Variants in LINGO2 observed in about 807,000 individuals in gnomAD.
LINGO2 encodes the protein leucine rich repeat and Ig domain containing 2.
A neutral mutation model predicts 30.6 loss-of-function variants in LINGO2; 14 were observed. The observed-to-expected ratio is 0.46, with a 90% CI of 0.30 to 0.72. The LOEUF is 0.72. Among genes scored for constraint, LINGO2 ranks in the 30% least tolerant of loss-of-function variants. The pLI is 0.07. For missense variants in LINGO2, 729 were observed against 751.7 expected (o/e 0.97, Z 0.35); for synonymous variants, 317 against 288.5 (o/e 1.10, Z -1.00).
At chr9:28,103,466 C>A (rs1254494128) in intron 4 of LINGO2, among the ~76,000 whole-genome samples, 1 of 152,078 alleles carries the variant, frequency 6.6e-6, no homozygotes, top group African/African-American at 2.4e-5. Flanking sequence ...TGTCTTGAAA[C>A]TCTGAACCAC....
At chr9:28,949,110 G>A in the LINGO2 span, among the ~76,000 whole-genome samples, 1 of 152,060 alleles carries the variant, frequency 6.6e-6, no homozygotes, top group African/African-American at 2.4e-5. Flanking sequence ...CTAAAGCAGT[G>A]TTTAGAGGGA....
At chr9:28,049,557 A>G (rs1587768351) in intron 4 of LINGO2, among the ~76,000 whole-genome samples, 3 of 150,674 alleles carry the variant, frequency 2.0e-5, no homozygotes, top group African/African-American at 7.4e-5. Flanking sequence ...TGGAAGGGCA[A>G]GGGCTTCAGG....
chr9:28,282,875 T>A (rs1038829206), intron 4 of LINGO2, among the ~76,000 whole-genome samples: 25 of 152,314 alleles, frequency 1.6e-4, no homozygotes, highest in African/African-American at 5.3e-4. Context: ...GCAATATATA[T>A]CATTTCCAAT....
At chr9:28,217,267 A>G (rs1399235366) in intron 4 of LINGO2, among the ~76,000 whole-genome samples, 1 of 151,812 alleles carries the variant, frequency 6.6e-6, no homozygotes, top group Non-Finnish European at 1.5e-5. Flanking sequence ...AAGAAATTCT[A>G]GTAAAATTAA....
At chr9:28,069,185 T>G (rs1825400579) in intron 4 of LINGO2, among the ~76,000 whole-genome samples, 1 of 151,938 alleles carries the variant, frequency 6.6e-6, no homozygotes, top group African/African-American at 2.4e-5. Flanking sequence ...GCAGGTGAAA[T>G]GAGGATGTAA....
At chr9:29,185,477 C>T in the LINGO2 span, among the ~76,000 whole-genome samples, 2 of 152,136 alleles carry the variant, frequency 1.3e-5, no homozygotes, top group Admixed American at 1.3e-4. Flanking sequence ...AAAATATACA[C>T]AACCCCATGG....
the LINGO2 span, among the ~76,000 whole-genome samples, chr9:29,065,447 T>A: frequency 6.6e-6 from 1 of 152,110 alleles, no homozygotes; most frequent in Admixed American, 6.6e-5. Flanking sequence ...AATTTTTATA[T>A]AGTGAAAGGA....
chr9:29,117,738 G>A, the LINGO2 span, among the ~76,000 whole-genome samples: 16 of 152,154 alleles, frequency 1.1e-4, no homozygotes, highest in South Asian at 4.1e-4. Flanking sequence ...GTGTGGCAGC[G>A]TTGTCATCTA....
the LINGO2 span, among the ~76,000 whole-genome samples, chr9:28,721,680 G>A: frequency 6.6e-6 from 1 of 152,024 alleles, no homozygotes; most frequent in African/African-American, 2.4e-5. Flanking sequence ...GAATGGAGAG[G>A]GAGTGAATTA....
At chr9:28,201,906 G>GAT (rs1820250276) in intron 4 of LINGO2, among the ~76,000 whole-genome samples, 1 of 151,926 alleles carries the variant, frequency 6.6e-6, no homozygotes, top group Non-Finnish European at 1.5e-5. Flanking sequence ...CTACACTTGC[G>GAT]ATCTCCCTTC....
intron 1 of LINGO2, among the ~76,000 whole-genome samples, chr9:28,630,223 T>C (rs909613778): frequency 2.7e-5 from 4 of 150,642 alleles, no homozygotes; most frequent in African/African-American, 9.8e-5. Context: ...AAAAAATAAA[T>C]ACAAAAAAAT....
At chr9:28,322,369 A>G (rs1378455100) in intron 3 of LINGO2, among the ~76,000 whole-genome samples, 1 of 152,152 alleles carries the variant, frequency 6.6e-6, no homozygotes, top group Admixed American at 6.6e-5. Flanking sequence ...CAACTAAAAT[A>G]TAAGATTCAC....
chr9:28,506,522 A>ATAGATAGATAGATAT, intron 1 of LINGO2, among the ~76,000 whole-genome samples: 1 of 136,486 alleles, frequency 7.3e-6, no homozygotes, highest in Admixed American at 7.8e-5. Flanking sequence ...ATATATATAT[A>ATAGATAGATAGATAT]AACTGTTGGG....
the LINGO2 span, among the ~76,000 whole-genome samples, chr9:28,989,150 C>A: frequency 6.6e-6 from 1 of 152,164 alleles, no homozygotes; most frequent in Non-Finnish European, 1.5e-5. Flanking sequence ...AAAGGACACT[C>A]AAAAACTTGC....
chr9:28,914,817 A>T, the LINGO2 span, among the ~76,000 whole-genome samples: 2 of 152,152 alleles, frequency 1.3e-5, no homozygotes, highest in African/African-American at 4.8e-5. Flanking sequence ...TCACTAACCC[A>T]AACAGTCCTG....
At chr9:27,993,169 A>G (rs1821483115) in intron 5 of LINGO2, among the ~76,000 whole-genome samples, 1 of 152,072 alleles carries the variant, frequency 6.6e-6, no homozygotes, top group Non-Finnish European at 1.5e-5. Flanking sequence ...TTGCAGTTGA[A>G]TTTAGAGTTC....
chr9:28,583,822 T>C (rs1168616069), intron 1 of LINGO2, among the ~76,000 whole-genome samples: 1 of 151,924 alleles, frequency 6.6e-6, no homozygotes, highest in African/African-American at 2.4e-5. Context: ...TTTTTGAAAC[T>C]TAATCCCCAA....
chr9:28,883,649 T>TATATATATATATATATAC, the LINGO2 span, among the ~76,000 whole-genome samples: 1 of 119,934 alleles, frequency 8.3e-6, no homozygotes, highest in African/African-American at 2.8e-5. Flanking sequence ...TATATATATA[T>TATATATATATATATATAC]ATATATATAT....
In LINGO2 at chr9:28,059,868, G is replaced by A. The variant is rs553311636; in HGVS notation, c.-86-47463C>T. Among the ~76,000 whole-genome samples the A allele has an allele frequency of 5.9e-5, 9 of 151,944 alleles. No individual in the cohort carries two copies. In the South Asian group the frequency reaches 1.9e-3, roughly 32 times the overall value. Reference sequence around the variant, plus strand: ...GTTTGTCCAGAGCAGATTGCAGGAGGCCTAAGTACATGCAAATAGAAGAAC... The same window carrying A: ...GTTTGTCCAGAGCAGATTGCAGGAGACCTAAGTACATGCAAATAGAAGAAC... On this transcript the variant is annotated intron_variant, in intron 4 of 5. Coordinates refer to ENST00000379992, the Ensembl canonical transcript of LINGO2.
Sources: gnomAD v4.1 joint callset for allele counts (sites outside exome capture counted in the v4.1 genomes callset) on GRCh38, gnomAD v4.1.1 for gene constraint, MANE v1.5 for transcripts, NCBI Gene and HGNC (gene_info 2026-07-23, HGNC 2026-07-21) for gene names.